PRKCA: variants seen among roughly 807,000 people sequenced by gnomAD.
PRKCA encodes protein kinase C alpha type.
Under a neutral mutation model 87.0 loss-of-function variants are expected in PRKCA, and 27 were observed. That is an observed-to-expected ratio of 0.31 (90% CI 0.23 to 0.43). PRKCA has a LOEUF of 0.43. Ranked by LOEUF, PRKCA falls within the 20% of genes least tolerant of loss-of-function variation. PRKCA has a pLI of 1.00. For missense variants in PRKCA, 518 were observed against 852.3 expected (o/e 0.61, Z 4.88); for synonymous variants, 329 against 311.1 (o/e 1.06, Z -0.61).
chr17:66,376,006 A>G (rs1909396507), intron 2 of PRKCA, among the ~76,000 whole-genome samples: 1 of 152,202 alleles, frequency 6.6e-6, no homozygotes, highest in Non-Finnish European at 1.5e-5. Flanking sequence ...CAAAGACTTC[A>G]TTGTTTATTC....
intron 2 of PRKCA, among the ~76,000 whole-genome samples, chr17:66,478,322 G>GCAGCTCACCGC (rs1202013641): frequency 4.4e-4 from 67 of 151,950 alleles, no homozygotes; most frequent in African/African-American, 1.6e-3. Flanking sequence ...TGGCACAATC[G>GCAGCTCACCGC]CAGCTCACCG....
intron 9 of PRKCA, 116 bp from the exon 10 acceptor site, chr17:66,735,373 C>A: frequency 9.6e-7 from 1 of 1,043,922 alleles, no homozygotes; most frequent in South Asian, 1.4e-5. Flanking sequence ...TTTTTATGTT[C>A]CACATTGACA....
At chr17:66,505,319 C>T (rs949686824) in intron 3 of PRKCA, among the ~76,000 whole-genome samples, 12 of 152,118 alleles carry the variant, frequency 7.9e-5, no homozygotes, top group African/African-American at 2.7e-4. Context: ...ACCCACCAAC[C>T]TCTGGCCACA....
chr17:66,313,222 G>C (rs558322387), intron 2 of PRKCA, among the ~76,000 whole-genome samples: 1 of 152,304 alleles, frequency 6.6e-6, no homozygotes, highest in African/African-American at 2.4e-5. Flanking sequence ...TAAGAGATGT[G>C]ATACAAGCAT....
At chr17:66,612,094 T>C (rs1970383546) in intron 3 of PRKCA, among the ~76,000 whole-genome samples, 1 of 149,068 alleles carries the variant, frequency 6.7e-6, no homozygotes, top group Non-Finnish European at 1.5e-5. Flanking sequence ...AAAAAAAAGA[T>C]TGGAGGCCAG....
At chr17:66,575,373 G>C (rs527545911) in intron 3 of PRKCA, among the ~76,000 whole-genome samples, 1 of 152,186 alleles carries the variant, frequency 6.6e-6, no homozygotes, top group Admixed American at 6.5e-5. Context: ...GAGGTCAAGA[G>C]TTCTAGACCA....
chr17:66,653,707 C>T (rs935426354), intron 5 of PRKCA, among the ~76,000 whole-genome samples: 2 of 151,442 alleles, frequency 1.3e-5, no homozygotes, highest in African/African-American at 4.9e-5. Context: ...TCTCCCCTCC[C>T]CTTGGATACC....
At chr17:66,527,748 A>G (rs748453937) in intron 3 of PRKCA, among the ~76,000 whole-genome samples, 4 of 152,230 alleles carry the variant, frequency 2.6e-5, no homozygotes, top group Non-Finnish European at 5.9e-5. Flanking sequence ...TTACAAAGAC[A>G]TTTTAAAAGA....
chr17:66,698,740 G>A (rs1972988687), intron 8 of PRKCA, among the ~76,000 whole-genome samples: 1 of 151,454 alleles, frequency 6.6e-6, no homozygotes, highest in African/African-American at 2.4e-5. Flanking sequence ...TGGGGAGACT[G>A]AGGCAGGTGG....
intron 13 of PRKCA, among the ~76,000 whole-genome samples, chr17:66,760,967 G>C (rs1300917642): frequency 2.0e-5 from 3 of 152,142 alleles, no homozygotes; most frequent in Admixed American, 6.5e-5. Context: ...AGGTAAAAAA[G>C]GGTGGCTACT....
intron 2 of PRKCA, among the ~76,000 whole-genome samples, chr17:66,396,957 CTTTTTT>C (rs35135551): frequency 9.6e-5 from 5 of 52,136 alleles, no homozygotes; most frequent in East Asian, 8.3e-4. Context: ...ACAATCAAGA[CTTTTTT>C]TTTTTTTTTT....
chr17:66,427,555 G>A (rs1416433941), intron 2 of PRKCA, among the ~76,000 whole-genome samples: 3 of 152,224 alleles, frequency 2.0e-5, no homozygotes, highest in African/African-American at 4.8e-5. Context: ...GCCAAAGCCT[G>A]TTTAAGATGC....
At chr17:66,529,548 G>A (rs888767955) in intron 3 of PRKCA, among the ~76,000 whole-genome samples, 1 of 152,114 alleles carries the variant, frequency 6.6e-6, no homozygotes, top group East Asian at 1.9e-4. Context: ...GCTCTTCCTG[G>A]GGTCACCTGG....
intron 3 of PRKCA, among the ~76,000 whole-genome samples, chr17:66,503,880 A>C (rs1341372811): frequency 1.3e-5 from 2 of 152,188 alleles, no homozygotes; most frequent in Non-Finnish European, 2.9e-5. Flanking sequence ...ATTTAGAAAA[A>C]GATGATTTTG....
At chr17:66,785,977 C>T (rs556937852) in intron 14 of PRKCA, among the ~76,000 whole-genome samples, 3 of 152,246 alleles carry the variant, frequency 2.0e-5, no homozygotes, top group South Asian at 2.1e-4. Flanking sequence ...TACAGGCGCT[C>T]GCCACCATGC....
At chr17:66,364,626 C>A (rs149643849) in intron 2 of PRKCA, among the ~76,000 whole-genome samples, 2 of 152,032 alleles carry the variant, frequency 1.3e-5, no homozygotes, top group Admixed American at 6.5e-5. Context: ...AGGGGGAGTG[C>A]GGGAGCAGGG....
intron 2 of PRKCA, among the ~76,000 whole-genome samples, chr17:66,370,440 CAGTT>C (rs1020349463): frequency 2.0e-5 from 3 of 151,030 alleles, no homozygotes; most frequent in Non-Finnish European, 2.9e-5. Context: ...CAGTGGTTAA[CAGTT>C]AGTGAGGCAT....
At chr17:66,678,146 CAT>C (rs148965958) in intron 5 of PRKCA, among the ~76,000 whole-genome samples, 120 of 152,278 alleles carry the variant, frequency 7.9e-4, no homozygotes, top group African/African-American at 2.7e-3. Context: ...AATGTGATCA[CAT>C]GTGTATTCTT....
chr17:66,473,940 C>CA lies in PRKCA; in HGVS notation c.206-22252dup, dbSNP rs543676511. Among the ~76,000 whole-genome samples the CA allele has an allele frequency of 5.0e-3, 754 of 149,850 alleles. 3 individuals carry two copies. The highest frequency in any genetic ancestry group is 7.4e-3 in the Admixed American group (111 of 15,026). ...GGGCAACAAGAGTGAAACTCCATCT[C>CA]AAAAAAAAACAAAAAAGCTCAAGCC... On this transcript the variant is annotated intron_variant, in intron 2 of 16. Transcript: ENST00000413366.
Sources: gnomAD v4.1 joint callset for allele counts (sites outside exome capture counted in the v4.1 genomes callset) on GRCh38, gnomAD v4.1.1 for gene constraint, MANE v1.5 for transcripts, NCBI Gene and HGNC (gene_info 2026-07-23, HGNC 2026-07-21) for gene names.